Variants in TUSC3 observed in about 807,000 individuals in gnomAD.
TUSC3 encodes the protein dolichyl-diphosphooligosaccharide--protein glycosyltransferase subunit TUSC3.
Under a neutral mutation model 44.8 loss-of-function variants are expected in TUSC3, and 45 were observed. The ratio of observed to expected loss-of-function variants is 1.00; its 90% CI spans 0.79 to 1.29. The LOEUF (loss-of-function observed/expected upper bound fraction) is 1.29. Ranked by LOEUF, TUSC3 falls within the 50% of genes most tolerant of loss-of-function variation. The pLI, the probability that TUSC3 is intolerant of heterozygous loss-of-function variation, is 0.00. For synonymous variants in TUSC3, 212 were observed against 152.9 expected (o/e 1.39, Z -2.85); for missense variants, 519 against 437.9 (o/e 1.19, Z -1.65).
intron 1 of TUSC3, among the ~76,000 whole-genome samples, chr8:15,611,433 C>T (rs1336328729): frequency 2.6e-5 from 4 of 152,146 alleles, no homozygotes; most frequent in Admixed American, 6.6e-5. Flanking sequence ...GTGATCTGCC[C>T]GCACCGGCCT....
chr8:15,550,585 C>T (rs1182228289), intron 1 of TUSC3, among the ~76,000 whole-genome samples: 1 of 151,636 alleles, frequency 6.6e-6, no homozygotes, highest in African/African-American at 2.4e-5. Flanking sequence ...CCCCCATCCC[C>T]TGTCCTTTCG....
intron 6 of TUSC3, among the ~76,000 whole-genome samples, chr8:15,681,129 T>A (rs1461670763): frequency 1.1e-5 from 1 of 88,100 alleles, no homozygotes; most frequent in East Asian, 2.4e-4. Context: ...TCATCCTTGA[T>A]TTTTTTTTTT....
chr8:15,722,156 G>C (rs919809680), intron 6 of TUSC3, among the ~76,000 whole-genome samples: 1 of 151,660 alleles, frequency 6.6e-6, no homozygotes, highest in African/African-American at 2.4e-5. Flanking sequence ...CTATGTTTTT[G>C]TTGGCTGACT....
chr8:15,497,911 G>T (rs940457711), intron 2 of TUSC3, among the ~76,000 whole-genome samples: 3 of 151,812 alleles, frequency 2.0e-5, no homozygotes, highest in Non-Finnish European at 2.9e-5. Context: ...ACCATGCCCA[G>T]CTAATTTTTA....
chr8:15,589,069 T>C (rs1241939587), intron 1 of TUSC3, among the ~76,000 whole-genome samples: 1 of 152,194 alleles, frequency 6.6e-6, no homozygotes, highest in Admixed American at 6.5e-5. Context: ...ACGACTTTCT[T>C]TGTCTCTTCT....
the TUSC3 span, among the ~76,000 whole-genome samples, chr8:15,827,900 G>A: frequency 6.6e-6 from 1 of 152,028 alleles, no homozygotes; most frequent in Non-Finnish European, 1.5e-5. Flanking sequence ...AATTTTGCGG[G>A]GCCAGAGGTG....
At chr8:15,482,863 C>T (rs1302574657) in intron 1 of TUSC3, among the ~76,000 whole-genome samples, 1 of 152,164 alleles carries the variant, frequency 6.6e-6, no homozygotes, top group Non-Finnish European at 1.5e-5. Flanking sequence ...TGACTTTCTT[C>T]ACCTTTTTAC....
chr8:15,766,681 C>T (rs942737641), downstream of TUSC3: 4 of 152,064 alleles, frequency 2.6e-5, no homozygotes, highest in Non-Finnish European at 2.9e-5. Flanking sequence ...CTTTTACACA[C>T]GAAGTAACAT....
Position 15,445,917 on chromosome 8 carries a change from C to T in TUSC3, n.91+28612C>T, listed in dbSNP as rs1027241639. 7.3e-5 allele frequency among the ~76,000 whole-genome samples: 11 copies of T among 151,194 alleles called. 1 individual carries two copies. The East Asian group carries it at 2.0e-3, about 27-fold the overall frequency. On this transcript the variant is annotated intron_variant and non_coding_transcript_variant, in intron 1 of 5. Coordinates refer to the TUSC3 transcript ENST00000503191. ...GGGGCGGCCGGGCGGAGGCGCCCCCCACCTTCCGGACGGGGCGGCTGGCCG... is the reference window on the plus strand; with the variant it reads ...GGGGCGGCCGGGCGGAGGCGCCCCCTACCTTCCGGACGGGGCGGCTGGCCG...
chr8:15,712,098 T>C (rs1421252741), intron 6 of TUSC3, among the ~76,000 whole-genome samples: 3 of 152,010 alleles, frequency 2.0e-5, no homozygotes, highest in Non-Finnish European at 4.4e-5. Context: ...ATCTTATTAA[T>C]AGTATTTTCA....
intron 1 of TUSC3, among the ~76,000 whole-genome samples, chr8:15,443,337 T>TGTGTGTGA (rs1491120584): frequency 8.6e-4 from 7 of 8,170 alleles, no homozygotes; most frequent in Non-Finnish European, 1.8e-3. Flanking sequence ...CCCACCTAAT[T>TGTGTGTGA]GTGTGTGTGT....
At chr8:15,770,011 C>T (rs951184741), downstream of TUSC3, among the ~76,000 whole-genome samples, 3 of 152,130 alleles carry the variant, frequency 2.0e-5, no homozygotes, top group Non-Finnish European at 4.4e-5. Context: ...GTGGTGATTC[C>T]TCAAGGTTCT....
intron 6 of TUSC3, among the ~76,000 whole-genome samples, chr8:15,730,291 A>G (rs1810664741): frequency 6.6e-6 from 1 of 152,162 alleles, no homozygotes; most frequent in African/African-American, 2.4e-5. Flanking sequence ...GTGATTAGAC[A>G]TTTGGTCATT....
intron 2 of TUSC3, among the ~76,000 whole-genome samples, chr8:15,627,549 A>G (rs1272508264): frequency 1.3e-5 from 2 of 152,230 alleles, no homozygotes; most frequent in South Asian, 2.1e-4. Flanking sequence ...GGATGAAGAG[A>G]AGAAGAGAAT....
intron 1 of TUSC3, among the ~76,000 whole-genome samples, chr8:15,598,348 A>G (rs535490090): frequency 6.6e-6 from 1 of 151,930 alleles, no homozygotes; most frequent in African/African-American, 2.4e-5. Context: ...AGTTGAGAGG[A>G]AAGTACAGAG....
intron 1 of TUSC3, among the ~76,000 whole-genome samples, chr8:15,576,279 G>GTTTTTTTTTTTTTTTTTTTTTTTTTTTTT (rs1175068882): frequency 3.8e-5 from 4 of 104,792 alleles, no homozygotes; most frequent in South Asian, 3.0e-4. Flanking sequence ...TGGTCCTCTT[G>GTTTTTTTTTTTTTTTTTTTTTTTTTTTTT]TTTTTTTTTT....
intron 5 of TUSC3, among the ~76,000 whole-genome samples, chr8:15,667,688 A>G (rs2129181590): frequency 6.6e-6 from 1 of 151,902 alleles, no homozygotes; most frequent in Non-Finnish European, 1.5e-5. Context: ...TTTTGTTTTC[A>G]AAGCTGTATC....
In TUSC3 at chr8:15,482,481, A is replaced by C. The variant is rs145826529; in HGVS notation, n.92-905A>C. Among the ~76,000 whole-genome samples, 13 of 152,332 alleles carry C rather than the reference A, an allele frequency of 8.5e-5. No homozygotes were observed. The East Asian group carries it at 2.5e-3, about 29-fold the overall frequency. On this transcript the variant is annotated intron_variant and non_coding_transcript_variant, in intron 1 of 5. Coordinates refer to the TUSC3 transcript ENST00000503191. ...TAAAGTATGGTTTACTGAATATTTTAAGGTCACTGTTGAGACCTGCTGCTT... is the reference window on the plus strand; with the variant it reads ...TAAAGTATGGTTTACTGAATATTTTCAGGTCACTGTTGAGACCTGCTGCTT...
At chr8:15,490,767 C>T (rs145003719) in intron 2 of TUSC3, among the ~76,000 whole-genome samples, 48 of 152,268 alleles carry the variant, frequency 3.2e-4, no homozygotes, top group African/African-American at 1.0e-3. Flanking sequence ...AAGAAAGTCA[C>T]CAAAACAATC....
Sources: allele counts gnomAD v4.1 joint callset (sites outside exome capture counted in the v4.1 genomes callset), GRCh38; gene constraint gnomAD v4.1.1; transcripts MANE v1.5; gene names NCBI Gene and HGNC (gene_info 2026-07-23, HGNC 2026-07-21).